The following MBP variants were observed in gnomAD, a reference collection of about 807,000 sequenced individuals.
The protein encoded by MBP is Golli-MBP.
In MBP, 16 loss-of-function variants were observed where a neutral mutation model predicts 35.8. The ratio of observed to expected loss-of-function variants is 0.45; its 90% CI spans 0.30 to 0.68. The LOEUF is 0.68. Ranked by LOEUF, MBP falls within the 30% of genes least tolerant of loss-of-function variation. The pLI is 0.08. For missense variants in MBP, 380 were observed against 404.7 expected (o/e 0.94, Z 0.52); for synonymous variants, 143 against 159.6 (o/e 0.90, Z 0.78).
chr18:77,053,895 G>A (rs952116945), intron 3 of MBP, among the ~76,000 whole-genome samples: 6 of 152,338 alleles, frequency 3.9e-5, no homozygotes, highest in South Asian at 2.1e-4. Context: ...CTTTCCATCC[G>A]GAGTCGGGGC....
At chr18:76,980,741 C>T (rs575940831) in intron 8 of MBP, 37 of 461,856 alleles carry the variant, frequency 8.0e-5, no homozygotes, top group African/African-American at 6.7e-4. Flanking sequence ...CACTGCTCTG[C>T]AAAACAACGC....
intron 2 of MBP, among the ~76,000 whole-genome samples, chr18:77,097,906 CT>C (rs3214874): frequency 9.3e-5 from 14 of 150,494 alleles, no homozygotes; most frequent in Non-Finnish European, 1.9e-4. Context: ...CAAATCAAAT[CT>C]TTTTTTTAAA....
chr18:76,987,402 G>GA (rs1969617315), intron 7 of MBP: 1 of 985,300 alleles, frequency 1.0e-6, no homozygotes, highest in Admixed American at 6.1e-5. Context: ...TGCATTAATG[G>GA]AAAACGTTTC....
Position 77,132,687 on chromosome 18 carries a change from C to CG in MBP, c.-134dup, listed in dbSNP as rs1402093774. ...GGTCTCGGCTTCAAGCGCCCACGCG[C>CG]GGGGTCCCCGGGCAGCCTGCTTCGC... On this transcript the variant is annotated 5_prime_UTR_variant, in exon 1 of 9. Coordinates refer to ENST00000355994, the MANE Select transcript of MBP (RefSeq NM_001025101.2). The CG allele has an allele frequency of 6.6e-6, 1 of 152,202 alleles. No individual in the cohort carries two copies. Among genetic ancestry groups the CG allele is most frequent in the Non-Finnish European group, 1.5e-5 (1 of 68,098 alleles). The allele number at this position is 152,202 out of a possible 1,614,324, so 9.4% of individuals were successfully genotyped here. A position where few individuals can be genotyped will look rare whatever the true frequency, so the allele number is the denominator to read the frequency against.
At chr18:76,997,061 A>G (rs1295791990) in intron 4 of MBP, among the ~76,000 whole-genome samples, 1 of 151,910 alleles carries the variant, frequency 6.6e-6, no homozygotes, top group Admixed American at 6.6e-5. Context: ...TCCCCCTCCA[A>G]ATGTCTCTGT....
At chr18:77,085,596 T>G (rs1975193593) in intron 2 of MBP, among the ~76,000 whole-genome samples, 1 of 152,168 alleles carries the variant, frequency 6.6e-6, no homozygotes, top group Non-Finnish European at 1.5e-5. Flanking sequence ...ATCTTCTGAT[T>G]GTTTTCCATA....
chr18:77,014,449 G>T (rs1293442057), intron 4 of MBP: 1 of 985,482 alleles, frequency 1.0e-6, no homozygotes. Context: ...GCAGGCCGCC[G>T]TGGTCCTGAG....
In MBP at chr18:77,097,963, G is replaced by A. The variant is rs1024004416; in HGVS notation, c.51+7248C>T. Among the ~76,000 whole-genome samples the A allele has an allele frequency of 5.3e-5, 8 of 152,042 alleles. No homozygotes were observed. In the South Asian group the frequency reaches 6.2e-4, roughly 12 times the overall value. ...TTGCTTATGCTTGTCTCAACCCTGG[G>A]AAGTGGGGAAGGACACCCCTGTCTC... On this transcript the variant is annotated intron_variant, in intron 2 of 8. Coordinates refer to ENST00000355994, the MANE Select transcript of MBP (RefSeq NM_001025101.2).
chr18:77,081,461 C>T (rs968337380), intron 2 of MBP, among the ~76,000 whole-genome samples: 6 of 152,024 alleles, frequency 3.9e-5, no homozygotes, highest in Admixed American at 2.0e-4. Flanking sequence ...AAATGCTCAA[C>T]GTTATTACGC....
At position 77,017,152 on chromosome 18, in the gene MBP, C is replaced by G. The variant is rs754642326; in HGVS notation, c.256G>C (p.Gly86Arg). The change falls in exon 4 of 9, where the codon GGG becomes CGG. Residue 86 changes from glycine (G) to arginine (R), a missense_variant. Coordinates refer to ENST00000355994, the MANE Select transcript of MBP (RefSeq NM_001025101.2). Reference sequence around the variant, plus strand: ...AGGCGGATCAAGTGGGGGCGGCTCCCTGGGTCAGCTGGGTGGGCATCCTGC... The same window carrying G: ...AGGCGGATCAAGTGGGGGCGGCTCCGTGGGTCAGCTGGGTGGGCATCCTGC... ...AWQDAHPADP[G>R]SRPHLIRLFS... is the part of the protein sequence containing the mutation. 1.3e-6 allele frequency: 2 copies of G among 1,555,954 alleles called. No homozygotes were observed. Among genetic ancestry groups the G allele is most frequent in the African/African-American group, 1.4e-5 (1 of 73,094 alleles).
At chr18:77,104,552 A>C (rs1976180465) in intron 2 of MBP, among the ~76,000 whole-genome samples, 1 of 152,112 alleles carries the variant, frequency 6.6e-6, no homozygotes, top group South Asian at 2.1e-4. Context: ...GTCAGAGCAA[A>C]CTCCATGGTG....
chr18:77,066,001 G>A (rs910993257), intron 3 of MBP: 2 of 305,776 alleles, frequency 6.5e-6, no homozygotes, highest in South Asian at 6.1e-5. Context: ...GGGGCCACGG[G>A]TGCATGCCAC....
At chr18:76,981,130 T>C (rs1404769165) in intron 8 of MBP, 1 of 152,604 alleles carries the variant, frequency 6.6e-6, no homozygotes, top group African/African-American at 2.4e-5. Context: ...AGGTGTGCTG[T>C]GGCCCACGGT....
At chr18:77,025,451 G>A (rs935198778) in intron 3 of MBP, among the ~76,000 whole-genome samples, 18 of 152,222 alleles carry the variant, frequency 1.2e-4, no homozygotes, top group African/African-American at 3.4e-4. Context: ...CCTGGACATC[G>A]ATACGTTAAT....
chr18:77,049,746 C>A (rs1236216567), intron 3 of MBP, among the ~76,000 whole-genome samples: 2 of 152,144 alleles, frequency 1.3e-5, no homozygotes, highest in East Asian at 3.9e-4. Context: ...GTGGTGCAAT[C>A]TCAGCTCACT....
At chr18:77,027,952 T>C (rs1222395944) in intron 3 of MBP, among the ~76,000 whole-genome samples, 1 of 152,064 alleles carries the variant, frequency 6.6e-6, no homozygotes, top group Non-Finnish European at 1.5e-5. Context: ...GCTTCCCAAG[T>C]AGCTGGCATG....
At chr18:76,992,623 C>A (rs1293023257) in intron 4 of MBP, among the ~76,000 whole-genome samples, 1 of 152,184 alleles carries the variant, frequency 6.6e-6, no homozygotes, top group African/African-American at 2.4e-5. Flanking sequence ...GCTTCCTGTC[C>A]ACCTTCCCAG....
At chr18:77,012,978 C>T (rs1599061663) in intron 4 of MBP, 1 of 985,372 alleles carries the variant, frequency 1.0e-6, no homozygotes, top group Non-Finnish European at 1.2e-6. Flanking sequence ...ACAGACACAT[C>T]CAGTCTAATT....
chr18:77,093,267 G>A (rs1975615803), intron 2 of MBP: 1 of 152,378 alleles, frequency 6.6e-6, no homozygotes, highest in Non-Finnish European at 1.5e-5. Flanking sequence ...CCACCTCGAG[G>A]GGGTTGACCG....
Sources: gnomAD v4.1 joint callset for allele counts (sites outside exome capture counted in the v4.1 genomes callset) on GRCh38, gnomAD v4.1.1 for gene constraint, MANE v1.5 for transcripts, NCBI Gene and HGNC (gene_info 2026-07-23, HGNC 2026-07-21) for gene names.